The following TNNT3 variants were observed in gnomAD, a reference collection of about 807,000 sequenced individuals.
The protein encoded by TNNT3 is troponin T, fast skeletal muscle.
TNNT3 carries 36 observed loss-of-function variants against 54.2 expected under a neutral mutation model. That is an observed-to-expected ratio of 0.66 (90% confidence interval 0.51 to 0.88). TNNT3 has a LOEUF of 0.88. Ranked by LOEUF, TNNT3 falls within the 40% of genes least tolerant of loss-of-function variation. TNNT3 has a pLI of 0.00. For missense variants in TNNT3, 291 were observed against 331.6 expected, an observed-to-expected ratio of 0.88 and a Z score of 0.95; for synonymous variants, 120 against 109.7, an observed-to-expected ratio of 1.09 and a Z score of -0.59.
At position 1,934,382 on chromosome 11, in the gene TNNT3, C is replaced by A; in HGVS notation, c.417C>A (p.Asp139Glu). 2 of 1,613,920 alleles carry A rather than the reference C, an allele frequency of 1.2e-6. No individual in the cohort carries two copies. Among genetic ancestry groups the A allele is most frequent in the South Asian group, 1.1e-5 (1 of 91,084 alleles). ...EEEDAKRRAE[D>E]DLKKKKALSS... ...AGGATGCCAAGAGGAGGGCAGAGGA[C>A]GACCTGAAGAAGAAGAAAGCTCTGT... The change falls in exon 12 of 16, where the codon GAC becomes GAA. Residue 139 changes from aspartate to glutamate, a missense_variant. Asp to Glu is a conservative substitution (Grantham distance 45). Transcript: ENST00000278317.
In TNNT3 at chr11:1,934,329, C is replaced by T. The variant is rs1036844524; in HGVS notation, c.367-3C>T. ...GAGCATCTTGGGAATGGGGTCTCCA[C>T]AGGAGGAAAAGGCCAGAAGGGAGGA... On this transcript the variant is annotated splice_polypyrimidine_tract_variant and splice_region_variant and intron_variant, in intron 11 of 15. Transcript: ENST00000278317. 1 of 1,612,922 alleles carries T rather than the reference C, an allele frequency of 6.2e-7. No individual in the cohort carries two copies. The highest frequency in any genetic ancestry group is 8.5e-7 in the Non-Finnish European group (1 of 1,179,262).
At chr11:1,929,297 TG>T (rs1339361555) in intron 7 of TNNT3, among the ~76,000 whole-genome samples, 154 bp downstream of exon 7, 3 of 152,186 alleles carry the variant, frequency 2.0e-5, no homozygotes, top group Non-Finnish European at 4.4e-5. Flanking sequence ...GGCCAGGCCT[TG>T]CTGCTCCGCA....
Position 1,933,915 on chromosome 11 carries a change from C to T in TNNT3, c.289-16C>T, listed in dbSNP as rs771756669. The stretch of plus-strand genomic sequence containing the variant: ...GCCGGGGACAGGGCTGAGCAGACCC[C>T]CTTCTCTGGCTGCAGGAGAAGCGCC... On this transcript the variant is annotated splice_polypyrimidine_tract_variant and intron_variant, in intron 10 of 15. Coordinates refer to ENST00000278317, the MANE Select transcript of TNNT3 (RefSeq NM_006757.4). 4 of 1,612,768 alleles carry T rather than the reference C, an allele frequency of 2.5e-6. No individual in the cohort carries two copies. In the South Asian group the frequency reaches 3.3e-5, roughly 13 times the overall value.
chr11:1,936,149 G>T, intron 14 of TNNT3: 1 of 1,594,016 alleles, frequency 6.3e-7, no homozygotes, highest in South Asian at 1.1e-5. Context: ...GGCCAAGCTA[G>T]CCCACAGCCG....
intron 7 of TNNT3, among the ~76,000 whole-genome samples, chr11:1,929,476 G>A (rs773716595): frequency 7.9e-5 from 12 of 152,178 alleles, no homozygotes; most frequent in South Asian, 4.1e-4. Context: ...TCTTCTTCCC[G>A]AGCCCCTGTC....
rs1564789936 is a variant in TNNT3 at position 1,920,053 on chromosome 11, G to A, written c.-19+291G>A. On this transcript the variant is annotated intron_variant, in intron 1 of 15. Transcript: ENST00000278317. ...AGGGGGCAAGTCGGGGCTCAGGGAA[G>A]CTCAGTGCTAGGGAGTGGCCTGAGG... Among the ~76,000 whole-genome samples, 3 of 152,168 alleles carry A rather than the reference G, an allele frequency of 2.0e-5. No homozygotes were observed. The East Asian group carries it at 5.8e-4, about 29-fold the overall frequency.
At chr11:1,920,985 CG>C (rs1274261248) in intron 1 of TNNT3, among the ~76,000 whole-genome samples, 1 of 152,120 alleles carries the variant, frequency 6.6e-6, no homozygotes, top group Non-Finnish European at 1.5e-5. Context: ...CAGCGCACGT[CG>C]GGGGGCCTGG....
Position 1,936,100 on chromosome 11 carries a change from G to A in TNNT3, c.682-863G>A, listed in dbSNP as rs533172359. ...GGCTTTGGATAGATGCGGCCACAGC[G>A]GGCCCCCAGGGGCTCCAGAGCCTGG... On this transcript the variant is annotated intron_variant, in intron 14 of 15. Coordinates refer to ENST00000278317, the MANE Select transcript of TNNT3 (RefSeq NM_006757.4). 1.4e-3 allele frequency: 1,680 copies of A among 1,177,870 alleles called. 2 individuals are homozygous for A. The highest frequency in any genetic ancestry group is 1.7e-3 in the Non-Finnish European group (1,393 of 798,176). 73.0% of individuals were successfully genotyped at this position (1,177,870 alleles called of 1,614,324 possible).
At chr11:1,933,872 G>T (rs1485052717) in intron 10 of TNNT3, 35 bp downstream of exon 10, 1 of 1,612,134 alleles carries the variant, frequency 6.2e-7, no homozygotes, top group Admixed American at 1.7e-5. Context: ...GCAGGGGCTG[G>T]TGGACTCCCT....
chr11:1,920,500 C>T (rs1589860463), intron 1 of TNNT3, among the ~76,000 whole-genome samples: 1 of 135,236 alleles, frequency 7.4e-6, no homozygotes, highest in African/African-American at 2.8e-5. Flanking sequence ...TGGACACGGT[C>T]CCCCTGACTT....
intron 8 of TNNT3, among the ~76,000 whole-genome samples, chr11:1,930,577 C>T (rs1053168166): frequency 6.6e-6 from 1 of 152,210 alleles, no homozygotes; most frequent in Admixed American, 6.5e-5. Flanking sequence ...AGCCACAGCA[C>T]TCGCTACGTG....
intron 1 of TNNT3, chr11:1,921,637 T>A (rs780793686): frequency 2.6e-5 from 4 of 152,190 alleles, no homozygotes; most frequent in Non-Finnish European, 5.9e-5. Context: ...TGCATGGAGC[T>A]TAAGTTGCTC....
intron 1 of TNNT3, among the ~76,000 whole-genome samples, chr11:1,919,963 A>T (rs1432100379): frequency 6.6e-6 from 1 of 152,152 alleles, no homozygotes; most frequent in Non-Finnish European, 1.5e-5. Flanking sequence ...TGGGATGCGG[A>T]CATGGTGGTG....
intron 5 of TNNT3, chr11:1,926,321 A>G: frequency 1.0e-6 from 1 of 993,540 alleles, no homozygotes; most frequent in Non-Finnish European, 1.6e-6. Context: ...CGCCTGGGCT[A>G]ACTCTGACCG....
chr11:1,934,702 C>G (rs1412000465), intron 13 of TNNT3, 47 bp downstream of exon 13: 2 of 1,603,488 alleles, frequency 1.2e-6, no homozygotes, highest in Admixed American at 3.3e-5. Context: ...GTGGCCCCTG[C>G]AGGAGCTGCC....
At position 1,925,080 on chromosome 11, in the gene TNNT3, T is replaced by C. The variant is rs1218633096; in HGVS notation, c.50-19T>C. ...CCTCAACCCCGCCTTCTCCTGCTCC[T>C]GGCTTCTCCGGCTCTCAGAGGAAGC... On this transcript the variant is annotated intron_variant, in intron 4 of 15. Coordinates refer to ENST00000278317, the MANE Select transcript of TNNT3 (RefSeq NM_006757.4). 1 of 1,612,442 alleles carries C rather than the reference T, an allele frequency of 6.2e-7. No homozygotes were observed. Among genetic ancestry groups the C allele is most frequent in the South Asian group, 1.1e-5 (1 of 90,884 alleles).
chr11:1,938,455 C>T lies in TNNT3; in HGVS notation c.740C>T (p.Thr247Ile). Residue 247 changes from threonine (T) to isoleucine (I), a missense_variant, in exon 16 of 16, where the codon ACC (threonine) becomes ATC (isoleucine). Transcript: ENST00000278317. ...ATTTGCAGCAGCAAGAAGGCTGGGA[C>T]CCCAGCCAAGGGCAAAGTCGGCGGG... is the stretch of plus-strand genomic sequence containing the variant. ...QAQKHSKKAG[T>I]PAKGKVGGRW... 3 of 1,613,304 alleles carry T rather than the reference C, an allele frequency of 1.9e-6. No homozygotes were observed. The highest frequency in any genetic ancestry group is 2.5e-6 in the Non-Finnish European group (3 of 1,179,906).
rs114106473 is a variant in TNNT3 at position 1,923,844 on chromosome 11, C to G, written c.49+272C>G. ...TAATCGATTAATATGCATTCACGAT[C>G]CTTCATTAATCCTTCATCCTCCGTG... On this transcript the variant is annotated intron_variant, in intron 4 of 15. Coordinates refer to ENST00000278317, the MANE Select transcript of TNNT3 (RefSeq NM_006757.4). 0.016 allele frequency among the ~76,000 whole-genome samples: 2,444 copies of G among 152,160 alleles called. 67 individuals carry two copies. The highest frequency in any genetic ancestry group is 0.053 in the African/African-American group (2,187 of 41,498).
At chr11:1,935,021 C>T (rs1854555348) in intron 14 of TNNT3, 102 bp downstream of exon 14, 3 of 1,151,084 alleles carry the variant, frequency 2.6e-6, no homozygotes, top group Non-Finnish European at 3.9e-6. Flanking sequence ...CTGCCCACCC[C>T]AGGGACCTGG....
Sources: allele counts gnomAD v4.1 joint callset (sites outside exome capture counted in the v4.1 genomes callset), GRCh38; gene constraint gnomAD v4.1.1; transcripts MANE v1.5; gene names NCBI Gene and HGNC (gene_info 2026-07-23, HGNC 2026-07-21).